CSMD1: variants seen among roughly 807,000 people sequenced by gnomAD.
CSMD1 encodes the protein CUB and sushi domain-containing protein 1.
A neutral mutation model predicts 417.5 loss-of-function variants in CSMD1; 213 were observed. That is an observed-to-expected ratio of 0.51 (90% confidence interval 0.46 to 0.57). The LOEUF is 0.57. Among genes scored for constraint, CSMD1 ranks in the 20% least tolerant of loss-of-function variants. The probability of loss-of-function intolerance (pLI) is 0.00; values close to 1 mark genes in which losing one functional copy is unlikely to be tolerated. For missense variants in CSMD1, 6,923 were observed against 4,529.7 expected, an observed-to-expected ratio of 1.53 and a Z score of -15.17; for synonymous variants, 2,862 against 1,736.8, an observed-to-expected ratio of 1.65 and a Z score of -16.11.
intron 1 of CSMD1, among the ~76,000 whole-genome samples, chr8:4,950,971 CAA>C: frequency 9.7e-6 from 1 of 102,688 alleles, no homozygotes; most frequent in Non-Finnish European, 1.9e-5. Context: ...GTAAAAAAAA[CAA>C]AAACAAAAAC....
chr8:2,980,019 C>T (rs1163345097), intron 54 of CSMD1, among the ~76,000 whole-genome samples: 4 of 152,202 alleles, frequency 2.6e-5, no homozygotes, highest in South Asian at 4.1e-4. Flanking sequence ...ACACCCACAT[C>T]GTCCCATTCT....
chr8:3,747,433 G>T (rs10503216), intron 6 of CSMD1, among the ~76,000 whole-genome samples: 49,787 of 151,376 alleles, frequency 0.33, 8,339 homozygotes, highest in Admixed American at 0.37. Flanking sequence ...TTTTACTAAT[G>T]GTCATCCATG....
chr8:4,145,467 T>C (rs1804055454), intron 3 of CSMD1, among the ~76,000 whole-genome samples: 1 of 151,198 alleles, frequency 6.6e-6, no homozygotes, highest in South Asian at 2.1e-4. Context: ...TGTATTGAAA[T>C]ATATACGGTA....
chr8:3,421,917 C>T (rs888857833), intron 12 of CSMD1, among the ~76,000 whole-genome samples: 2 of 152,154 alleles, frequency 1.3e-5, no homozygotes, highest in Non-Finnish European at 2.9e-5. Flanking sequence ...GGATTACAGG[C>T]GTGAGCCACG....
intron 2 of CSMD1, among the ~76,000 whole-genome samples, chr8:4,458,090 T>C (rs1288730512): frequency 6.6e-6 from 1 of 152,116 alleles, no homozygotes; most frequent in Non-Finnish European, 1.5e-5. Flanking sequence ...TAACTCCTTA[T>C]ATACTTAATA....
chr8:4,888,732 A>G (rs954826124), intron 1 of CSMD1, among the ~76,000 whole-genome samples: 1 of 152,106 alleles, frequency 6.6e-6, no homozygotes, highest in Non-Finnish European at 1.5e-5. Context: ...AGTGCAGGCC[A>G]AGCCTGGGAT....
intron 5 of CSMD1, among the ~76,000 whole-genome samples, chr8:3,842,122 A>G (rs771828402): frequency 3.8e-4 from 58 of 152,284 alleles, no homozygotes; most frequent in Middle Eastern, 6.8e-3. Flanking sequence ...TGCCTAATTC[A>G]ACCCCGATCT....
intron 10 of CSMD1, among the ~76,000 whole-genome samples, chr8:3,555,025 C>G (rs964644339): frequency 6.6e-6 from 1 of 152,054 alleles, no homozygotes. Context: ...GGGAAGAAGA[C>G]TGTGCGTGAG....
intron 5 of CSMD1, among the ~76,000 whole-genome samples, chr8:3,844,573 C>G (rs774004392): frequency 1.3e-5 from 2 of 152,216 alleles, no homozygotes; most frequent in East Asian, 3.9e-4. Flanking sequence ...AAAGTAATAA[C>G]TAGAGGCCAA....
chr8:4,775,185 G>T lies in CSMD1; in HGVS notation c.86-137627C>A, dbSNP rs181830567. ...ATTCTAATATTCTCAACATCAACTAGAATTTGATTATTTTTTTCTGATTGT... is the reference window on the plus strand; with the variant it reads ...ATTCTAATATTCTCAACATCAACTATAATTTGATTATTTTTTTCTGATTGT... On this transcript the variant is annotated intron_variant, in intron 1 of 69. Transcript: ENST00000635120. 1.5e-3 allele frequency among the ~76,000 whole-genome samples: 225 copies of T among 152,152 alleles called. 1 individual carries two copies. Among genetic ancestry groups the T allele is most frequent in the Non-Finnish European group, 2.5e-3 (168 of 67,986 alleles).
chr8:3,586,822 CAG>C (rs1263079202), intron 8 of CSMD1, among the ~76,000 whole-genome samples: 1 of 152,152 alleles, frequency 6.6e-6, no homozygotes, highest in African/African-American at 2.4e-5. Context: ...TGTTTTGAGA[CAG>C]AGTCTCACAC....
At chr8:3,095,645 G>T (rs1331466044) in intron 47 of CSMD1, among the ~76,000 whole-genome samples, 1 of 152,106 alleles carries the variant, frequency 6.6e-6, no homozygotes, top group Non-Finnish European at 1.5e-5. Context: ...AAATCCATTA[G>T]AATAATTTAT....
intron 3 of CSMD1, among the ~76,000 whole-genome samples, chr8:4,353,329 G>A (rs537033870): frequency 1.3e-5 from 2 of 152,084 alleles, no homozygotes; most frequent in Non-Finnish European, 2.9e-5. Context: ...CACCATGTAA[G>A]ATGTGACTTT....
chr8:4,927,478 C>A (rs1806948017), intron 1 of CSMD1, among the ~76,000 whole-genome samples: 1 of 152,166 alleles, frequency 6.6e-6, no homozygotes, highest in Non-Finnish European at 1.5e-5. Context: ...GGGCTCAAGT[C>A]TTTGCTTTGT....
chr8:4,773,175 G>C (rs574800425), intron 1 of CSMD1, among the ~76,000 whole-genome samples: 1 of 152,212 alleles, frequency 6.6e-6, no homozygotes, highest in South Asian at 2.1e-4. Context: ...ATGTTCCTGT[G>C]AGCATTTCCT....
At chr8:3,512,186 C>T (rs1249548596) in intron 10 of CSMD1, among the ~76,000 whole-genome samples, 1 of 152,224 alleles carries the variant, frequency 6.6e-6, no homozygotes, top group Non-Finnish European at 1.5e-5. Context: ...TATCCTGGCA[C>T]AGATGAGTCT....
At chr8:3,237,734 A>C (rs1413942001) in intron 26 of CSMD1, among the ~76,000 whole-genome samples, 8 of 142,466 alleles carry the variant, frequency 5.6e-5, no homozygotes, top group African/African-American at 2.0e-4. Flanking sequence ...CTACAAATAT[A>C]ATTTTTATAA....
At chr8:4,902,229 G>A (rs1022102392) in intron 1 of CSMD1, among the ~76,000 whole-genome samples, 7 of 151,318 alleles carry the variant, frequency 4.6e-5, no homozygotes, top group African/African-American at 1.2e-4. Context: ...GGGCAACTTA[G>A]CAAGACTCCA....
At chr8:4,754,951 A>G (rs979691067) in intron 1 of CSMD1, among the ~76,000 whole-genome samples, 2 of 152,068 alleles carry the variant, frequency 1.3e-5, no homozygotes, top group Non-Finnish European at 2.9e-5. Flanking sequence ...AGCCTGGCCA[A>G]CATAGTGAAA....
Sources: allele counts gnomAD v4.1 joint callset (sites outside exome capture counted in the v4.1 genomes callset), GRCh38; gene constraint gnomAD v4.1.1; transcripts MANE v1.5; gene names NCBI Gene and HGNC (gene_info 2026-07-23, HGNC 2026-07-21).